NFATC2: variants seen among roughly 807,000 people sequenced by gnomAD.
NFATC2 encodes the protein nuclear factor of activated T-cells, cytoplasmic 2.
Under a neutral mutation model 87.3 loss-of-function variants are expected in NFATC2, and 22 were observed. That is an observed-to-expected ratio of 0.25 (90% CI 0.18 to 0.36). The LOEUF (loss-of-function observed/expected upper bound fraction) is 0.36. Ranked by LOEUF, NFATC2 falls within the 10% of genes least tolerant of loss-of-function variation. The pLI, the probability that NFATC2 is intolerant of heterozygous loss-of-function variation, is 1.00. For missense variants in NFATC2, 1,149 were observed against 1,259.1 expected (o/e 0.91, Z 1.32); for synonymous variants, 565 against 542.2 (o/e 1.04, Z -0.58).
chr20:51,442,301 A>G (rs1483092184), intron 6 of NFATC2, among the ~76,000 whole-genome samples: 3 of 152,122 alleles, frequency 2.0e-5, no homozygotes, highest in Non-Finnish European at 2.9e-5. Flanking sequence ...GTGTGGTGGC[A>G]CGTGCCTGTA....
intron 6 of NFATC2, among the ~76,000 whole-genome samples, chr20:51,450,242 C>T (rs1460901785): frequency 6.6e-6 from 1 of 152,230 alleles, no homozygotes; most frequent in Non-Finnish European, 1.5e-5. Context: ...CATCCGACCT[C>T]AGAGCTGTGC....
At chr20:51,527,373 C>A (rs568412948) in intron 1 of NFATC2, among the ~76,000 whole-genome samples, 1 of 152,274 alleles carries the variant, frequency 6.6e-6, no homozygotes, top group Admixed American at 6.5e-5. Context: ...TCTAGAAGGA[C>A]CCCTGACCAC....
At chr20:51,424,450 C>A (rs1981455137) in intron 9 of NFATC2, among the ~76,000 whole-genome samples, 1 of 152,202 alleles carries the variant, frequency 6.6e-6, no homozygotes, top group Non-Finnish European at 1.5e-5. Flanking sequence ...TGAACCCTCA[C>A]CGTGCGCGTC....
chr20:51,462,957 C>T (rs543346717), intron 5 of NFATC2, among the ~76,000 whole-genome samples: 6 of 152,220 alleles, frequency 3.9e-5, no homozygotes, highest in Admixed American at 1.3e-4. Flanking sequence ...GGAAAGACAC[C>T]GGCCAGCCCA....
intron 3 of NFATC2, among the ~76,000 whole-genome samples, chr20:51,506,934 CT>C (rs537703933): frequency 8.1e-4 from 123 of 152,358 alleles, no homozygotes; most frequent in Non-Finnish European, 1.7e-3. Context: ...ATGCCTGACC[CT>C]AGGTCCAGGA....
intron 5 of NFATC2, among the ~76,000 whole-genome samples, chr20:51,463,615 A>G (rs1272315067): frequency 6.6e-6 from 1 of 152,208 alleles, no homozygotes; most frequent in Non-Finnish European, 1.5e-5. Context: ...CAGCCGGGAC[A>G]GAGAAAAGAA....
At chr20:51,399,790 T>C (rs543661422) in intron 9 of NFATC2, among the ~76,000 whole-genome samples, 31 of 152,310 alleles carry the variant, frequency 2.0e-4, no homozygotes, top group African/African-American at 6.5e-4. Context: ...AGTCTCCACT[T>C]GAAACTGACT....
rs79914072 is a variant in NFATC2, at chr20:51,452,001, A to G, written c.1849+2547T>C. 8.2e-3 allele frequency among the ~76,000 whole-genome samples: 1,252 copies of G among 152,288 alleles called. 21 individuals carry two copies. The highest frequency in any genetic ancestry group is 0.029 in the African/African-American group (1,187 of 41,540). On this transcript the variant is annotated intron_variant, in intron 6 of 10. Transcript: ENST00000371564. ...TGAATCATCCTGAAACCATCAGCCC[A>G]TCTCCCCAACCCTTGAAAAGAACTG...
chr20:51,540,993 T>C (rs1372527193), intron 1 of NFATC2, among the ~76,000 whole-genome samples: 1 of 152,208 alleles, frequency 6.6e-6, no homozygotes, highest in Non-Finnish European at 1.5e-5. Context: ...ATTGCAACTC[T>C]AGAAGACTGG....
Position 51,480,577 on chromosome 20 carries a change from A to G in NFATC2, c.1333-4917T>C, listed in dbSNP as rs1042901193. 1.3e-5 allele frequency among the ~76,000 whole-genome samples: 2 copies of G among 152,180 alleles called. No homozygotes were observed. The highest frequency in any genetic ancestry group is 4.8e-5 in the African/African-American group (2 of 41,454). Reference sequence around the variant, plus strand: ...CCCGCCTCCCCGGGTAACACCAGAAAGCAGTGTGGTATAGCTGAAAGCACA... The same window carrying G: ...CCCGCCTCCCCGGGTAACACCAGAAGGCAGTGTGGTATAGCTGAAAGCACA... On this transcript the variant is annotated intron_variant, in intron 3 of 10. Coordinates refer to ENST00000371564, the MANE Select transcript of NFATC2 (RefSeq NM_012340.5). The surrounding 1 kb of genome is among the most constrained non-coding windows in gnomAD (Gnocchi z 4.2).
intron 3 of NFATC2, among the ~76,000 whole-genome samples, chr20:51,507,036 C>T (rs1308539866): frequency 2.6e-5 from 4 of 152,332 alleles, no homozygotes; most frequent in East Asian, 1.9e-4. Context: ...CATCCAGCCC[C>T]GGCTGGAGCG....
intron 2 of NFATC2, among the ~76,000 whole-genome samples, chr20:51,522,003 G>A (rs1027401341): frequency 1.3e-5 from 2 of 152,170 alleles, no homozygotes; most frequent in African/African-American, 4.8e-5. Flanking sequence ...GTGGTGTGCA[G>A]GCATTGTATT....
At chr20:51,421,733 G>T (rs561912785) in intron 9 of NFATC2, among the ~76,000 whole-genome samples, 1 of 152,056 alleles carries the variant, frequency 6.6e-6, no homozygotes, top group African/African-American at 2.4e-5. Context: ...TGCAATCCCC[G>T]GTTTTTCAAC....
chr20:51,469,306 C>A (rs752800492), intron 5 of NFATC2, among the ~76,000 whole-genome samples: 5 of 152,158 alleles, frequency 3.3e-5, no homozygotes, highest in Non-Finnish European at 5.9e-5. Flanking sequence ...CGTGAGCCAC[C>A]GAGCTTGGCT....
intron 6 of NFATC2, among the ~76,000 whole-genome samples, chr20:51,442,179 C>T (rs6021207): frequency 0.014 from 2,200 of 152,238 alleles, 61 homozygotes; most frequent in African/African-American, 0.051. Flanking sequence ...CGCCTGTAAT[C>T]CCAGCACTTT....
At position 51,432,513 on chromosome 20, in the gene NFATC2, C is replaced by G; in HGVS notation, c.2276G>C (p.Ser759Thr). 1 of 1,556,604 alleles carries G rather than the reference C, an allele frequency of 6.4e-7. No homozygotes were observed. ...AVLYQRSKSLSPSLLGYQQPA... is the reference protein window; with the variant it reads ...AVLYQRSKSLTPSLLGYQQPA... Reference sequence around the variant, plus strand: ...CTGCTGATAGCCCAGCAGGCTGGGGCTCAGGCTCTTGCTCCGCTGGTAGAG... The same window carrying G: ...CTGCTGATAGCCCAGCAGGCTGGGGGTCAGGCTCTTGCTCCGCTGGTAGAG... Residue 759 changes from serine (S) to threonine (T), a missense_variant, in exon 9 of 11, where the codon AGC (serine) becomes ACC (threonine). Transcript: ENST00000371564. The surrounding 1 kb of genome is among the most constrained non-coding windows in gnomAD (Gnocchi z 4.6).
chr20:51,494,503 T>C (rs1223855109), intron 3 of NFATC2, among the ~76,000 whole-genome samples: 2 of 152,202 alleles, frequency 1.3e-5, no homozygotes, highest in African/African-American at 2.4e-5. Flanking sequence ...GGCCCTTTTC[T>C]TCTGCTACTA....
chr20:51,435,007 G>T (rs1156681446), intron 8 of NFATC2, among the ~76,000 whole-genome samples, 181 bp downstream of exon 8: 4 of 152,200 alleles, frequency 2.6e-5, no homozygotes, highest in Non-Finnish European at 5.9e-5. Flanking sequence ...AAGGATTTAT[G>T]TGCATTTAAT....
intron 6 of NFATC2, among the ~76,000 whole-genome samples, chr20:51,448,676 G>A (rs1192594377): frequency 1.3e-5 from 2 of 152,076 alleles, no homozygotes; most frequent in African/African-American, 4.8e-5. Context: ...GAAAAGAAAT[G>A]GTGGAGGAAC....
Sources: allele counts gnomAD v4.1 joint callset (sites outside exome capture counted in the v4.1 genomes callset), GRCh38; gene constraint gnomAD v4.1.1; non-coding constraint Gnocchi (gnomAD v3.1); transcripts MANE v1.5; gene names NCBI Gene and HGNC (gene_info 2026-07-23, HGNC 2026-07-21).